Variants in ATXN1 observed in about 807,000 individuals in gnomAD.
The protein encoded by ATXN1 is ataxin-1.
Under a neutral mutation model 56.4 loss-of-function variants are expected in ATXN1, and 8 were observed. That is an observed-to-expected ratio of 0.14 (90% CI 0.08 to 0.26). The LOEUF is 0.26. ATXN1 is among the 10% of genes least tolerant of loss of function. The pLI is 1.00. For missense variants in ATXN1, 987 were observed against 1,106.5 expected (o/e 0.89, Z 1.53); for synonymous variants, 514 against 494.6 (o/e 1.04, Z -0.52).
Position 16,312,817 on chromosome 6 carries a change from C to G in ATXN1, c.1918-5958G>C, listed in dbSNP as rs58082907. Among the ~76,000 whole-genome samples the G allele has an allele frequency of 5.9e-5, 9 of 152,120 alleles. No homozygotes were observed. The South Asian group carries it at 1.9e-3, about 32-fold the overall frequency. On this transcript the variant is annotated intron_variant, in intron 7 of 7. Transcript: ENST00000436367. ...TCGATACTAACCCCTTCGTCTCCCC[C>G]CATACCCCCCTCCCATAAAAACCCT... is the stretch of plus-strand genomic sequence containing the variant.
chr6:16,330,451 G>A (rs897495215), intron 6 of ATXN1, among the ~76,000 whole-genome samples: 3 of 145,766 alleles, frequency 2.1e-5, no homozygotes, highest in Non-Finnish European at 4.5e-5. Flanking sequence ...GTGCAGTGGC[G>A]TGATCTCGGC....
intron 6 of ATXN1, among the ~76,000 whole-genome samples, chr6:16,443,854 T>C (rs74414010): frequency 0.039 from 5,890 of 152,268 alleles, 144 homozygotes; most frequent in Non-Finnish European, 0.041. Context: ...CGATGGCTCA[T>C]GCCTGTAATC....
intron 6 of ATXN1, among the ~76,000 whole-genome samples, chr6:16,395,615 C>T (rs1236658003): frequency 6.6e-6 from 1 of 152,152 alleles, no homozygotes; most frequent in Non-Finnish European, 1.5e-5. Context: ...CAATTACGCA[C>T]AGTACATAAT....
At chr6:16,355,539 C>T (rs760032134) in intron 6 of ATXN1, among the ~76,000 whole-genome samples, 9 of 150,578 alleles carry the variant, frequency 6.0e-5, no homozygotes, top group Non-Finnish European at 1.2e-4. Context: ...CTTCCCCTTC[C>T]TGCAGGAATA....
chr6:16,753,024 T>C (rs1760770112), intron 2 of ATXN1: 4 of 328,534 alleles, frequency 1.2e-5, no homozygotes, highest in African/African-American at 2.2e-5. Context: ...CATGAACATA[T>C]AGATTAAACC....
intron 6 of ATXN1, among the ~76,000 whole-genome samples, chr6:16,483,790 C>G (rs995455389): frequency 2.6e-5 from 4 of 152,156 alleles, no homozygotes; most frequent in African/African-American, 9.7e-5. Context: ...ACAAAAAACC[C>G]CCACTAGATT....
rs1363295126 is a variant in ATXN1, at chr6:16,328,451, G to A, written c.-141C>T. 6 of 1,296,624 alleles carry A rather than the reference G, an allele frequency of 4.6e-6. No individual in the cohort carries two copies. The highest frequency in any genetic ancestry group is 5.4e-5 in the East Asian group (2 of 36,782). 80.3% of individuals were successfully genotyped at this position (1,296,624 alleles called of 1,614,324 possible). A position where few individuals can be genotyped will look rare whatever the true frequency, so the allele number is the denominator to read the frequency against. Reference sequence around the variant, plus strand: ...AATCATCTCCCCGTGGGTACAATCCGCCAACAGCAGCTCTGGATGCTGGGA... The same window carrying A: ...AATCATCTCCCCGTGGGTACAATCCACCAACAGCAGCTCTGGATGCTGGGA... On this transcript the variant is annotated 5_prime_UTR_variant, in exon 7 of 8. Transcript: ENST00000436367. This position sits in a 1 kb window ranked among gnomAD's most constrained non-coding sequence, Gnocchi z 6.2.
intron 2 of ATXN1, among the ~76,000 whole-genome samples, chr6:16,722,370 TCTG>T (rs1270698984): frequency 6.6e-6 from 1 of 152,238 alleles, no homozygotes; most frequent in Admixed American, 6.5e-5. Flanking sequence ...AATGTGATTT[TCTG>T]CTTTCAACTC....
intron 3 of ATXN1, among the ~76,000 whole-genome samples, chr6:16,595,361 C>T (rs985118560): frequency 3.3e-5 from 5 of 152,210 alleles, no homozygotes; most frequent in South Asian, 2.1e-4. Context: ...AGCTACGAAT[C>T]GGCCCGTTCT....
chr6:16,484,337 G>A (rs1404115013), intron 6 of ATXN1, among the ~76,000 whole-genome samples: 1 of 152,146 alleles, frequency 6.6e-6, no homozygotes, highest in Non-Finnish European at 1.5e-5. Flanking sequence ...TGAAGGCTGA[G>A]GTGGGAGGGT....
At chr6:16,339,458 G>A (rs1761195065) in intron 6 of ATXN1, among the ~76,000 whole-genome samples, 1 of 152,126 alleles carries the variant, frequency 6.6e-6, no homozygotes, top group Non-Finnish European at 1.5e-5. Context: ...TTCTATGGTG[G>A]TTTCAGTCAC....
intron 4 of ATXN1, among the ~76,000 whole-genome samples, chr6:16,579,138 G>T (rs1762477485): frequency 6.6e-6 from 1 of 152,120 alleles, no homozygotes; most frequent in Non-Finnish European, 1.5e-5. Context: ...CTCATTTAAG[G>T]GGTTAAGCAT....
chr6:16,509,904 C>T (rs940161197), intron 5 of ATXN1, among the ~76,000 whole-genome samples: 3 of 152,260 alleles, frequency 2.0e-5, no homozygotes, highest in Middle Eastern at 3.4e-3. Context: ...TGTTCCAGAA[C>T]GTACTCTTCA....
intron 3 of ATXN1, among the ~76,000 whole-genome samples, chr6:16,630,687 A>G (rs550907495): frequency 1.7e-4 from 26 of 152,352 alleles, no homozygotes; most frequent in Admixed American, 4.6e-4. Context: ...GTAAATGAAC[A>G]CTTTAAAACT....
chr6:16,347,278 G>A (rs772508403), intron 6 of ATXN1, among the ~76,000 whole-genome samples: 1 of 152,268 alleles, frequency 6.6e-6, no homozygotes, highest in South Asian at 2.1e-4. Context: ...AGATCCACTA[G>A]GTGAAGCCAG....
chr6:16,525,554 G>A (rs1173915810), intron 4 of ATXN1, among the ~76,000 whole-genome samples: 1 of 152,040 alleles, frequency 6.6e-6, no homozygotes, highest in Non-Finnish European at 1.5e-5. Context: ...GAGGGGAGGT[G>A]GGGATGGTTA....
intron 6 of ATXN1, among the ~76,000 whole-genome samples, chr6:16,439,949 C>T (rs1759480040): frequency 6.6e-6 from 1 of 151,712 alleles, no homozygotes; most frequent in South Asian, 2.1e-4. Context: ...ATGGTAGGCA[C>T]CTGTAATCCC....
intron 6 of ATXN1, among the ~76,000 whole-genome samples, chr6:16,450,473 G>C (rs1759732172): frequency 6.6e-6 from 1 of 152,158 alleles, no homozygotes. Flanking sequence ...AGTGCTCTCT[G>C]ATTCAAGGGA....
chr6:16,453,196 A>AG (rs1326245147), intron 6 of ATXN1, among the ~76,000 whole-genome samples: 11 of 152,014 alleles, frequency 7.2e-5, no homozygotes, highest in Non-Finnish European at 1.6e-4. Context: ...TCATTGATAG[A>AG]GGGGGTACAC....
Sources: gnomAD v4.1 joint callset for allele counts (sites outside exome capture counted in the v4.1 genomes callset) on GRCh38, gnomAD v4.1.1 for gene constraint, Gnocchi (gnomAD v3.1) non-coding constraint, MANE v1.5 for transcripts, NCBI Gene and HGNC (gene_info 2026-07-23, HGNC 2026-07-21) for gene names.